IVD: variants seen among roughly 807,000 people sequenced by gnomAD.
The protein encoded by IVD is isovaleryl-CoA dehydrogenase, also known as isovaleryl-CoA dehydrogenase, mitochondrial.
IVD carries 31 observed loss-of-function variants against 51.3 expected under a neutral mutation model. The ratio of observed to expected loss-of-function variants is 0.60; its 90% CI spans 0.45 to 0.81. IVD has a LOEUF of 0.81. Among genes scored for constraint, IVD ranks in the 40% least tolerant of loss-of-function variants. The pLI, the probability that IVD is intolerant of heterozygous loss-of-function variation, is 0.00. For missense variants in IVD, 475 were observed against 552.0 expected, an observed-to-expected ratio of 0.86 and a Z score of 1.40; for synonymous variants, 205 against 219.4, an observed-to-expected ratio of 0.93 and a Z score of 0.58.
At chr15:40,413,144 G>T (rs1891263345) in intron 7 of IVD, 57 bp downstream of exon 7, 1 of 1,389,570 alleles carries the variant, frequency 7.2e-7, no homozygotes, top group Non-Finnish European at 1.0e-6. Context: ...AGGCTGATCT[G>T]GCTGTTCTCA....
In IVD at chr15:40,415,561, C is replaced by T. The variant is rs941828243; in HGVS notation, c.960+79C>T. 9.8e-6 allele frequency: 12 copies of T among 1,226,854 alleles called. No homozygotes were observed. In the Admixed American group the frequency reaches 2.3e-4, roughly 24 times the overall value. The allele number at this position is 1,226,854 out of a possible 1,614,324, so 76.0% of individuals were successfully genotyped here. A position where few individuals can be genotyped will look rare whatever the true frequency, so the allele number is the denominator to read the frequency against. ...TTGAAAAGAGAGGAAGTGAGGTGGG[C>T]ACCGTGGATGGTTACTGTCTCCTCT... On this transcript the variant is annotated intron_variant, in intron 9 of 11. Coordinates refer to ENST00000487418, the MANE Select transcript of IVD (RefSeq NM_002225.5).
chr15:40,430,419 T>G (rs1892907101), intron 7 of IVD, among the ~76,000 whole-genome samples: 1 of 152,188 alleles, frequency 6.6e-6, no homozygotes. Context: ...CAGAGGAGCC[T>G]CCTGGCTGGG....
At chr15:40,424,506 C>T (rs1200979137), downstream of IVD, 1 of 241,764 alleles carries the variant, frequency 4.1e-6, no homozygotes, top group Non-Finnish European at 8.1e-6. Flanking sequence ...TCTCATCCAT[C>T]CTGGATGGGT....
At chr15:40,413,732 C>T (rs1036389957) in intron 7 of IVD, among the ~76,000 whole-genome samples, 5 of 151,552 alleles carry the variant, frequency 3.3e-5, no homozygotes, top group Non-Finnish European at 7.4e-5. Flanking sequence ...GCTCTGTCAC[C>T]CAGGCTAGAG....
At chr15:40,409,831 CT>C (rs919316755) in intron 3 of IVD, among the ~76,000 whole-genome samples, 2 of 136,466 alleles carry the variant, frequency 1.5e-5, no homozygotes, top group Non-Finnish European at 3.2e-5. Flanking sequence ...AGTCCTGCTT[CT>C]TTCTTTTTTT....
At chr15:40,435,673 CCCA>C (rs1893228251), downstream of IVD, 1 of 1,039,124 alleles carries the variant, frequency 9.6e-7, no homozygotes, top group Non-Finnish European at 1.2e-6. Context: ...GGTGGCCCTA[CCCA>C]CTTCTCCAGC....
chr15:40,417,710 T>A (rs573311217), intron 11 of IVD, among the ~76,000 whole-genome samples: 10 of 152,300 alleles, frequency 6.6e-5, no homozygotes, highest in South Asian at 4.1e-4. Context: ...TGTCCTGATA[T>A]CAGAGTGCCT....
chr15:40,429,759 A>T (rs1226407888), intron 7 of IVD, among the ~76,000 whole-genome samples: 1 of 152,190 alleles, frequency 6.6e-6, no homozygotes, highest in Non-Finnish European at 1.5e-5. Flanking sequence ...CTTCGCCTTG[A>T]ACTAAATTCT....
intron 3 of IVD, among the ~76,000 whole-genome samples, chr15:40,408,496 T>G (rs1475042171): frequency 6.6e-6 from 1 of 152,036 alleles, no homozygotes; most frequent in Non-Finnish European, 1.5e-5. Context: ...GGGTAGGGGC[T>G]GGGCAGGGGA....
downstream of IVD, among the ~76,000 whole-genome samples, chr15:40,429,378 C>G (rs1304763053): frequency 6.6e-6 from 1 of 152,218 alleles, no homozygotes; most frequent in Non-Finnish European, 1.5e-5. Context: ...AGACTAGTAA[C>G]AGTACGGGGC....
chr15:40,405,845 G>A lies in IVD; in HGVS notation c.18G>A (p.Arg6=). 1 of 1,612,366 alleles carries A rather than the reference G, an allele frequency of 6.2e-7. No homozygotes were observed. Among genetic ancestry groups the A allele is most frequent in the South Asian group, 1.1e-5 (1 of 90,984 alleles). Reference sequence around the variant, plus strand: ...TGGCAGAGATGGCGACTGCGACTCGGCTGCTGGGGTGGCGTGTGGCGAGCT... The same window carrying A: ...TGGCAGAGATGGCGACTGCGACTCGACTGCTGGGGTGGCGTGTGGCGAGCT... MATAT[R]LLGWRVASWR... Residue 6 remains arginine, a synonymous_variant, in exon 1 of 12, where the codon CGG becomes CGA. Coordinates refer to ENST00000487418, the MANE Select transcript of IVD (RefSeq NM_002225.5).
chr15:40,422,194 C>G (rs1892353585), downstream of IVD, among the ~76,000 whole-genome samples: 1 of 151,700 alleles, frequency 6.6e-6, no homozygotes, highest in Admixed American at 6.6e-5. Context: ...TTTGGGATTT[C>G]AGGACTCAAC....
intron 7 of IVD, among the ~76,000 whole-genome samples, chr15:40,431,480 G>A (rs1227875696): frequency 3.3e-5 from 5 of 152,170 alleles, no homozygotes; most frequent in African/African-American, 1.2e-4. Flanking sequence ...CAGATCACGA[G>A]GTCAGGAGAC....
chr15:40,428,968 A>T (rs1892824261), downstream of IVD, among the ~76,000 whole-genome samples: 1 of 152,068 alleles, frequency 6.6e-6, no homozygotes, highest in Admixed American at 6.5e-5. Flanking sequence ...CCCGGTCCCA[A>T]TTCTGCATTC....
chr15:40,422,340 G>A (rs1892367361), downstream of IVD, among the ~76,000 whole-genome samples: 1 of 151,866 alleles, frequency 6.6e-6, no homozygotes, highest in Non-Finnish European at 1.5e-5. Context: ...CTGGAGTGCA[G>A]TGGCGCAATC....
At chr15:40,427,994 C>T (rs1892768327), downstream of IVD, among the ~76,000 whole-genome samples, 2 of 152,018 alleles carry the variant, frequency 1.3e-5, no homozygotes, top group East Asian at 1.9e-4. Context: ...CCAGCCTGGC[C>T]AACATGGTGA....
chr15:40,411,424 A>G (rs772915954), intron 5 of IVD, 71 bp downstream of exon 5: 53 of 1,595,334 alleles, frequency 3.3e-5, no homozygotes, highest in Admixed American at 5.0e-5. Flanking sequence ...TGGAGCAACA[A>G]TTGTGGGTGG....
At chr15:40,424,251 C>G (rs781524523), downstream of IVD, 1 of 1,199,274 alleles carries the variant, frequency 8.3e-7, no homozygotes, top group South Asian at 1.3e-5. Context: ...AAATATGACT[C>G]TGATCCCCCT....
chr15:40,405,886 C>T lies in IVD; in HGVS notation c.59C>T (p.Pro20Leu), dbSNP rs764633468. The T allele has an allele frequency of 2.5e-6, 4 of 1,613,288 alleles. No individual in the cohort carries two copies. Among genetic ancestry groups the T allele is most frequent in the Non-Finnish European group, 3.4e-6 (4 of 1,179,816 alleles). ...GTGGCGAGCTGGAGGCTGCGGCCGC[C>T]GCTTGCCGGCTTCGTTTCCCAGCGG... is the stretch of plus-strand genomic sequence containing the variant. ...WRVASWRLRP[P>L]LAGFVSQRAH... Residue 20 changes from proline (P) to leucine (L), a missense_variant, in exon 1 of 12, where the codon CCG (proline) becomes CTG (leucine). By Grantham distance (98) the Pro-to-Leu change is moderately conservative. Transcript: ENST00000487418.
Sources: allele counts gnomAD v4.1 joint callset (sites outside exome capture counted in the v4.1 genomes callset), GRCh38; gene constraint gnomAD v4.1.1; transcripts MANE v1.5; gene names NCBI Gene and HGNC (gene_info 2026-07-23, HGNC 2026-07-21).